KCNB2: variants seen among roughly 807,000 people sequenced by gnomAD.
KCNB2 encodes the protein potassium voltage-gated channel subfamily B member 2.
A neutral mutation model predicts 61.5 loss-of-function variants in KCNB2; 15 were observed. The ratio of observed to expected loss-of-function variants is 0.24; its 90% CI spans 0.16 to 0.38. The LOEUF (loss-of-function observed/expected upper bound fraction) is 0.38. Among genes scored for constraint, KCNB2 ranks in the 10% least tolerant of loss-of-function variants. The pLI is 1.00. For missense variants in KCNB2, 828 were observed against 1,125.2 expected (o/e 0.74, Z 3.78); for synonymous variants, 457 against 446.0 (o/e 1.02, Z -0.31).
At chr8:72,560,611 C>T (rs776457627) in intron 1 of KCNB2, among the ~76,000 whole-genome samples, 3 of 152,106 alleles carry the variant, frequency 2.0e-5, no homozygotes, top group East Asian at 1.9e-4. Context: ...ACACCTTGGA[C>T]GCCAGTGTAA....
At chr8:72,675,714 C>T (rs563981771) in intron 2 of KCNB2, among the ~76,000 whole-genome samples, 17 of 152,076 alleles carry the variant, frequency 1.1e-4, no homozygotes, top group African/African-American at 3.6e-4. Flanking sequence ...CCTCCACACT[C>T]GGCTGATTTT....
rs1269517686 is a variant in KCNB2 at position 72,537,320 on chromosome 8, G to A, written c.-659G>A. The A allele has an allele frequency of 6.6e-6, 1 of 152,288 alleles. No individual in the cohort carries two copies. The highest frequency in any genetic ancestry group is 1.5e-5 in the Non-Finnish European group (1 of 67,938). The allele number at this position is 152,288 out of a possible 1,614,324, so 9.4% of individuals were successfully genotyped here. ...GCCTCCCGCGCGCAGCCTCTACCCT[G>A]CTCCGCCACAGACACACACCCACCA... On this transcript the variant is annotated 5_prime_UTR_variant, in exon 1 of 3. Coordinates refer to ENST00000523207, the MANE Select transcript of KCNB2 (RefSeq NM_004770.3).
At chr8:72,547,926 T>C (rs1310153061) in intron 1 of KCNB2, among the ~76,000 whole-genome samples, 1 of 152,170 alleles carries the variant, frequency 6.6e-6, no homozygotes, top group Non-Finnish European at 1.5e-5. Context: ...GACACAACTG[T>C]GCAAACTTCA....
At position 72,571,094 on chromosome 8, in the gene KCNB2, A is replaced by T. The variant is rs72668124; in HGVS notation, c.579+2781A>T. On this transcript the variant is annotated intron_variant, in intron 2 of 2. Coordinates refer to ENST00000523207, the MANE Select transcript of KCNB2 (RefSeq NM_004770.3). ...AAAAGCTATTAAGATTATTTGCCAGATCCCTAGTATGGAAGGAAAAACTTG... is the reference window on the plus strand; with the variant it reads ...AAAAGCTATTAAGATTATTTGCCAGTTCCCTAGTATGGAAGGAAAAACTTG... Among the ~76,000 whole-genome samples the T allele has an allele frequency of 5.9e-3, 892 of 152,334 alleles. 4 individuals carry two copies. The highest frequency in any genetic ancestry group is 8.7e-3 in the Non-Finnish European group (590 of 68,034).
intron 2 of KCNB2, among the ~76,000 whole-genome samples, chr8:72,861,380 G>A (rs1372366020): frequency 6.6e-6 from 1 of 152,190 alleles, no homozygotes; most frequent in African/African-American, 2.4e-5. Flanking sequence ...AAGGAATGCT[G>A]TCTAGTTCCT....
intron 2 of KCNB2, among the ~76,000 whole-genome samples, chr8:72,842,286 T>C (rs1228970990): frequency 6.6e-6 from 1 of 152,160 alleles, no homozygotes; most frequent in African/African-American, 2.4e-5. Context: ...GATGAAGCCA[T>C]CTTGAACATG....
At chr8:72,893,160 A>ATGCTAT (rs1805929475) in intron 2 of KCNB2, among the ~76,000 whole-genome samples, 1 of 151,382 alleles carries the variant, frequency 6.6e-6, no homozygotes, top group Non-Finnish European at 1.5e-5. Context: ...TTATGAAGAG[A>ATGCTAT]TTTTGTTTGC....
In KCNB2 at chr8:72,920,461, C is replaced by CTATATATATATATA. The variant is rs1210179232; in HGVS notation, c.580-15471_580-15470insATATATATATATAT. Among the ~76,000 whole-genome samples the CTATATATATATATA allele has an allele frequency of 8.0e-4, 58 of 72,590 alleles. 1 individual carries two copies. Among genetic ancestry groups the CTATATATATATATA allele is most frequent in the East Asian group, 5.4e-3 (21 of 3,874 alleles). The allele number at this position is 72,590 out of a possible 152,430, so 47.6% of individuals were successfully genotyped here. A position where few individuals can be genotyped will look rare whatever the true frequency, so the allele number is the denominator to read the frequency against. On this transcript the variant is annotated intron_variant, in intron 2 of 2. Transcript: ENST00000523207. The stretch of plus-strand genomic sequence containing the variant: ...CCACTATATCTATCTATCTATCTAT[C>CTATATATATATATA]TATCTATCTATCTATATATATATAT...
At chr8:72,784,979 T>A (rs1808823680) in intron 2 of KCNB2, among the ~76,000 whole-genome samples, 1 of 152,234 alleles carries the variant, frequency 6.6e-6, no homozygotes, top group Non-Finnish European at 1.5e-5. Flanking sequence ...TGGCAGCCAT[T>A]AATATTTTAG....
At chr8:72,815,324 T>TC (rs1809376524) in intron 2 of KCNB2, among the ~76,000 whole-genome samples, 1 of 152,146 alleles carries the variant, frequency 6.6e-6, no homozygotes, top group Non-Finnish European at 1.5e-5. Context: ...CAGAATGTAC[T>TC]CAGACATAAG....
At chr8:72,644,777 T>C (rs1448831002) in intron 2 of KCNB2, among the ~76,000 whole-genome samples, 3 of 152,198 alleles carry the variant, frequency 2.0e-5, no homozygotes, top group African/African-American at 7.2e-5. Context: ...CTTTATCTCA[T>C]TTAGTCCTTG....
intron 2 of KCNB2, among the ~76,000 whole-genome samples, chr8:72,782,531 C>G (rs1808778327): frequency 6.6e-6 from 1 of 152,082 alleles, no homozygotes; most frequent in Non-Finnish European, 1.5e-5. Context: ...CAACAGTGTT[C>G]AAGGAATGCC....
At chr8:72,615,951 G>C (rs1805613272) in intron 2 of KCNB2, among the ~76,000 whole-genome samples, 1 of 152,160 alleles carries the variant, frequency 6.6e-6, no homozygotes, top group Non-Finnish European at 1.5e-5. Flanking sequence ...TTTAAGTTGA[G>C]CAGAAAATAA....
intron 2 of KCNB2, among the ~76,000 whole-genome samples, chr8:72,596,179 T>A (rs1308618232): frequency 6.6e-6 from 1 of 152,198 alleles, no homozygotes; most frequent in African/African-American, 2.4e-5. Flanking sequence ...AGTAAATGAT[T>A]TCTTAAATGT....
Position 72,782,583 on chromosome 8 carries a change from C to A in KCNB2, c.580-153352C>A, listed in dbSNP as rs1026513890. Among the ~76,000 whole-genome samples, 3 of 152,150 alleles carry A rather than the reference C, an allele frequency of 2.0e-5. No individual in the cohort carries two copies. The South Asian group carries it at 6.2e-4, about 31-fold the overall frequency. The stretch of plus-strand genomic sequence containing the variant: ...ATTATTAAAACATCTGAGAAGACCC[C>A]AAGCCTGGAGCTCCTTGTTATGACC... On this transcript the variant is annotated intron_variant, in intron 2 of 2. Transcript: ENST00000523207.
chr8:72,807,453 C>G (rs1160329494), intron 2 of KCNB2, among the ~76,000 whole-genome samples: 1 of 152,162 alleles, frequency 6.6e-6, no homozygotes, highest in African/African-American at 2.4e-5. Context: ...TTGTTGATGG[C>G]TTCTGAAAGC....
At position 72,646,471 on chromosome 8, in the gene KCNB2, T is replaced by G. The variant is rs191620841; in HGVS notation, c.579+78158T>G. Among the ~76,000 whole-genome samples the G allele has an allele frequency of 2.3e-3, 356 of 152,266 alleles. 1 individual carries two copies. The highest frequency in any genetic ancestry group is 8.3e-3 in the African/African-American group (345 of 41,566). ...ATGTCTTTGGTTGCATGATGAAAGT[T>G]GGAAACATAATATTCAGACAAGGGT... On this transcript the variant is annotated intron_variant, in intron 2 of 2. Transcript: ENST00000523207.
At chr8:72,718,816 TAATAA>T (rs1807494980) in intron 2 of KCNB2, among the ~76,000 whole-genome samples, 1 of 152,146 alleles carries the variant, frequency 6.6e-6, no homozygotes, top group South Asian at 2.1e-4. Context: ...AGCATAATAA[TAATAA>T]AATAAAATAA....
intron 2 of KCNB2, among the ~76,000 whole-genome samples, chr8:72,790,356 G>T (rs1456671123): frequency 6.6e-6 from 1 of 152,178 alleles, no homozygotes; most frequent in South Asian, 2.1e-4. Context: ...GAGAGAACCA[G>T]GGCAGAGTGG....
Sources: gnomAD v4.1 joint callset for allele counts (sites outside exome capture counted in the v4.1 genomes callset) on GRCh38, gnomAD v4.1.1 for gene constraint, MANE v1.5 for transcripts, NCBI Gene and HGNC (gene_info 2026-07-23, HGNC 2026-07-21) for gene names.